The following SREBF1 variants were observed in gnomAD, a reference collection of about 807,000 sequenced individuals.
The protein encoded by SREBF1 is sterol regulatory element-binding protein 1.
Under a neutral mutation model 100.1 loss-of-function variants are expected in SREBF1, and 45 were observed. The ratio of observed to expected loss-of-function variants is 0.45; its 90% CI spans 0.35 to 0.58. SREBF1 has a LOEUF of 0.58. Ranked by LOEUF, SREBF1 falls within the 20% of genes least tolerant of loss-of-function variation. The pLI, the probability that SREBF1 is intolerant of heterozygous loss-of-function variation, is 0.00. For synonymous variants in SREBF1, 657 were observed against 681.8 expected (o/e 0.96, Z 0.57); for missense variants, 1,324 against 1,539.4 (o/e 0.86, Z 2.34).
intron 1 of SREBF1, among the ~76,000 whole-genome samples, chr17:17,834,865 T>C (rs1481067496): frequency 6.6e-6 from 1 of 152,090 alleles, no homozygotes; most frequent in Non-Finnish European, 1.5e-5. Flanking sequence ...ATACAAAAAA[T>C]TAGCCAGGCG....
intron 1 of SREBF1, among the ~76,000 whole-genome samples, chr17:17,829,682 T>C (rs1350467195): frequency 6.6e-6 from 1 of 152,218 alleles, no homozygotes; most frequent in Non-Finnish European, 1.5e-5. Flanking sequence ...CCTCACTATG[T>C]TGCCCAGGCT....
In SREBF1 at chr17:17,817,878, C is replaced by T. The variant is rs775133501; in HGVS notation, c.1222G>A (p.Gly408Arg). Residue 408 changes from glycine to arginine, a missense_variant, in exon 7 of 19, where the codon GGG (glycine) becomes AGG (arginine). By Grantham distance (125) the Gly-to-Arg change is moderately radical (BLOSUM62 -2). Coordinates refer to ENST00000261646, the MANE Select transcript of SREBF1 (RefSeq NM_004176.5). This position sits in a 1 kb window ranked among gnomAD's most constrained non-coding sequence, Gnocchi z 6.6. ...CCCTCCATGAGCACGTCTGTGTTCC[C>T]TCCACTGCCACAGGCCGACACCAGA... is the stretch of plus-strand genomic sequence containing the variant. The part of the protein sequence containing the change: ...KDLVSACGSG[G>R]NTDVLMEGVK... The T allele has an allele frequency of 4.4e-6, 7 of 1,603,668 alleles. No individual in the cohort carries two copies. The highest frequency in any genetic ancestry group is 1.1e-5 in the South Asian group (1 of 91,072).
rs2032954499 is a variant in SREBF1 at position 17,812,283 on chromosome 17, C to T, written c.*339G>A. ...AGTCCGGGAAAGCCAAGTTGGCTTC[C>T]GTCAGCACAGGGAAATGTACCCCTC... is the stretch of plus-strand genomic sequence containing the variant. On this transcript the variant is annotated 3_prime_UTR_variant, in exon 19 of 19. Transcript: ENST00000261646. 2.2e-6 allele frequency: 1 copy of T among 447,510 alleles called. No homozygotes were observed. The highest frequency in any genetic ancestry group is 2.0e-5 in the African/African-American group (1 of 49,532). 27.7% of individuals were successfully genotyped at this position (447,510 alleles called of 1,614,324 possible).
Position 17,817,360 on chromosome 17 carries a change from T to C in SREBF1, c.1502A>G (p.Asn501Ser). 1 of 1,607,306 alleles carries C rather than the reference T, an allele frequency of 6.2e-7. No individual in the cohort carries two copies. The highest frequency in any genetic ancestry group is 8.5e-7 in the Non-Finnish European group (1 of 1,177,908). ...CTLVFLCLSCNPLASLLGARG... is the reference protein window; with the variant it reads ...CTLVFLCLSCSPLASLLGARG... The stretch of plus-strand genomic sequence containing the variant: ...GGCCCCCAGCAAGGAGGCCAAGGGG[T>C]TGCAGGACAGGCAGAGGAAGACGAG... The change falls in exon 8 of 19, where the codon AAC becomes AGC. Residue 501 changes from asparagine to serine, a missense_variant. Physicochemically the swap from Asn to Ser is conservative, Grantham distance 46. Coordinates refer to ENST00000261646, the MANE Select transcript of SREBF1 (RefSeq NM_004176.5). The surrounding 1 kb of genome is among the most constrained non-coding windows in gnomAD (Gnocchi z 6.6).
rs12947649 is a variant in SREBF1, at chr17:17,833,465, A to G, written c.91+3262T>C. The stretch of plus-strand genomic sequence containing the variant: ...AAAAAAAAAAAATATATATATATAT[A>G]TATATATATACACACACACATACAG... On this transcript the variant is annotated intron_variant, in intron 1 of 18. Coordinates refer to ENST00000261646, the MANE Select transcript of SREBF1 (RefSeq NM_004176.5). Among the ~76,000 whole-genome samples the G allele has an allele frequency of 3.5e-3, 427 of 121,338 alleles. 4 individuals carry two copies. The highest frequency in any genetic ancestry group is 8.4e-3 in the Middle Eastern group (2 of 238). 79.6% of individuals were successfully genotyped at this position (121,338 alleles called of 152,430 possible). A position where few individuals can be genotyped will look rare whatever the true frequency, so the allele number is the denominator to read the frequency against.
chr17:17,823,707 AGGTCCC>A, intron 1 of SREBF1: 1 of 578,792 alleles, frequency 1.7e-6, no homozygotes, highest in South Asian at 5.2e-5. Context: ...CCCCGCCTGC[AGGTCCC>A]GCCCCGCCCC....
chr17:17,812,510 G>C lies in SREBF1; in HGVS notation c.*112C>G. 8.9e-7 allele frequency: 1 copy of C among 1,126,816 alleles called. No individual in the cohort carries two copies. 69.8% of individuals were successfully genotyped at this position (1,126,816 alleles called of 1,614,324 possible). A position where few individuals can be genotyped will look rare whatever the true frequency, so the allele number is the denominator to read the frequency against. Reference sequence around the variant, plus strand: ...CACAGCAGCCGCAGGTCGAACTGTGGAGGCCAGAGTCTCTTGCACTGCCTT... The same window carrying C: ...CACAGCAGCCGCAGGTCGAACTGTGCAGGCCAGAGTCTCTTGCACTGCCTT... On this transcript the variant is annotated 3_prime_UTR_variant, in exon 19 of 19. Coordinates refer to ENST00000261646, the MANE Select transcript of SREBF1 (RefSeq NM_004176.5).
In SREBF1 at chr17:17,811,918, C is replaced by G. The variant is rs2032896841; in HGVS notation, c.*704G>C. ...TGGAGGCCATACAGCCAGCCCTCCCCACTCCTCCCACTAACAAACAAACAT... is the reference window on the plus strand; with the variant it reads ...TGGAGGCCATACAGCCAGCCCTCCCGACTCCTCCCACTAACAAACAAACAT... On this transcript the variant is annotated 3_prime_UTR_variant, in exon 19 of 19. Transcript: ENST00000261646. The G allele has an allele frequency of 2.3e-6, 1 of 444,434 alleles. No homozygotes were observed. Among genetic ancestry groups the G allele is most frequent in the African/African-American group, 2.0e-5 (1 of 49,102 alleles). 27.5% of individuals were successfully genotyped at this position (444,434 alleles called of 1,614,324 possible).
chr17:17,825,496 G>A (rs1412822691), intron 1 of SREBF1, among the ~76,000 whole-genome samples: 4 of 152,164 alleles, frequency 2.6e-5, no homozygotes, highest in African/African-American at 9.7e-5. Context: ...GATGCCCCGA[G>A]GAAGGGGGAA....
At position 17,823,752 on chromosome 17, in the gene SREBF1, G is replaced by C. The variant is rs2034296788; in HGVS notation, c.92-3231C>G. 1.4e-4 allele frequency: 34 copies of C among 236,236 alleles called. 1 individual carries two copies. In the South Asian group the frequency reaches 4.9e-3, roughly 34 times the overall value. 14.6% of individuals were successfully genotyped at this position (236,236 alleles called of 1,614,324 possible). On this transcript the variant is annotated intron_variant, in intron 1 of 18. Transcript: ENST00000261646. ...CTTCGGGGCTGCGGGCCGGGCATGG[G>C]GTGAGCGCGCGCGGCCAATCAGCGG... is the stretch of plus-strand genomic sequence containing the variant.
chr17:17,836,226 G>A (rs999230354), intron 1 of SREBF1, among the ~76,000 whole-genome samples: 7 of 152,296 alleles, frequency 4.6e-5, no homozygotes, highest in African/African-American at 7.2e-5. Context: ...CAGACCGGGA[G>A]AACCCGACAC....
chr17:17,822,546 C>T (rs972238715), intron 1 of SREBF1, among the ~76,000 whole-genome samples: 1 of 152,252 alleles, frequency 6.6e-6, no homozygotes, highest in Non-Finnish European at 1.5e-5. Flanking sequence ...TGGTGACTAG[C>T]AGCCTATCTG....
chr17:17,831,490 G>A (rs1028507944), intron 1 of SREBF1, among the ~76,000 whole-genome samples: 10 of 152,132 alleles, frequency 6.6e-5, no homozygotes, highest in East Asian at 5.8e-4. Context: ...TCTGGGGTCC[G>A]ACAGACAAAG....
intron 1 of SREBF1, chr17:17,823,662 C>CGCCCCCAGCCCCGCCCCA: frequency 7.8e-7 from 1 of 1,275,220 alleles, no homozygotes; most frequent in East Asian, 3.4e-5. Context: ...GCGCCCGCCC[C>CGCCCCCAGCCCCGCCCCA]GCCCCGCCCC....
At chr17:17,836,392 G>C (rs1304524961) in intron 1 of SREBF1, among the ~76,000 whole-genome samples, 1 of 152,246 alleles carries the variant, frequency 6.6e-6, no homozygotes, top group Non-Finnish European at 1.5e-5. Flanking sequence ...TGGGTCCCCA[G>C]CTTCAGCCGT....
intron 1 of SREBF1, among the ~76,000 whole-genome samples, chr17:17,831,590 C>T (rs2034865292): frequency 6.6e-6 from 1 of 152,194 alleles, no homozygotes; most frequent in Non-Finnish European, 1.5e-5. Flanking sequence ...TCTGCCTCTT[C>T]TGCACTCATA....
Position 17,817,526 on chromosome 17 carries a change from G to T in SREBF1, c.1405-69C>A, listed in dbSNP as rs568941442. 1.1e-4 allele frequency: 163 copies of T among 1,540,638 alleles called. No homozygotes were observed. Among genetic ancestry groups the T allele is most frequent in the Non-Finnish European group, 1.1e-4 (121 of 1,136,576 alleles). The stretch of plus-strand genomic sequence containing the variant: ...CCCAGAGAGCATGGGGCTGGGAAGG[G>T]GGGGGTCAGGATTCTGCCCACCTTA... On this transcript the variant is annotated intron_variant, in intron 7 of 18. Coordinates refer to ENST00000261646, the MANE Select transcript of SREBF1 (RefSeq NM_004176.5). This position sits in a 1 kb window ranked among gnomAD's most constrained non-coding sequence, Gnocchi z 6.6.
chr17:17,813,879 C>T (rs2033235060), intron 16 of SREBF1, 110 bp from the exon 17 acceptor site: 2 of 1,127,368 alleles, frequency 1.8e-6, no homozygotes. Context: ...CGAGGCACTG[C>T]ACCCGCCTCA....
At position 17,819,557 on chromosome 17, in the gene SREBF1, G is replaced by A. The variant is rs2033925013; in HGVS notation, c.692C>T (p.Ser231Leu). 4 of 1,613,654 alleles carry A rather than the reference G, an allele frequency of 2.5e-6. No homozygotes were observed. The highest frequency in any genetic ancestry group is 1.3e-5 in the African/African-American group (1 of 74,928). The change falls in exon 3 of 19, where the codon TCG (serine) becomes TTG (leucine). Residue 231 changes from serine (S) to leucine (L), a missense_variant. Transcript: ENST00000261646. The part of the protein sequence containing the change: ...TAAPVTTTVT[S>L]QIQQVPVLLQ... ...CCTCACCGGGACCTGCTGGATCTGCGAGGTCACAGTGGTCGTTACAGGGGC... is the reference window on the plus strand; with the variant it reads ...CCTCACCGGGACCTGCTGGATCTGCAAGGTCACAGTGGTCGTTACAGGGGC...
Sources: allele counts gnomAD v4.1 joint callset (sites outside exome capture counted in the v4.1 genomes callset), GRCh38; gene constraint gnomAD v4.1.1; non-coding constraint Gnocchi (gnomAD v3.1); transcripts MANE v1.5; gene names NCBI Gene and HGNC (gene_info 2026-07-23, HGNC 2026-07-21).